Variants in DOCK3 observed in about 807,000 individuals in gnomAD.
The protein encoded by DOCK3 is dedicator of cytokinesis 3.
In DOCK3, 60 loss-of-function variants were observed where a neutral mutation model predicts 265.6. That is an observed-to-expected ratio of 0.23 (90% CI 0.18 to 0.28). The LOEUF is 0.28. Ranked by LOEUF, DOCK3 falls within the 10% of genes least tolerant of loss-of-function variation. DOCK3 has a pLI of 1.00. For missense variants in DOCK3, 1,981 were observed against 2,594.3 expected, an observed-to-expected ratio of 0.76 and a Z score of 5.14; for synonymous variants, 881 against 938.0, an observed-to-expected ratio of 0.94 and a Z score of 1.11.
chr3:50,954,725 AT>A (rs1184429489), intron 5 of DOCK3, among the ~76,000 whole-genome samples: 1 of 151,976 alleles, frequency 6.6e-6, no homozygotes, highest in Admixed American at 6.6e-5. Context: ...GGATATTAGA[AT>A]TTTGTCAGAT....
rs1227582193 is a variant in DOCK3 at position 51,375,805 on chromosome 3, A to G, written c.5470A>G (p.Ser1824Gly). Residue 1824 changes from serine (S) to glycine (G), a missense_variant, in exon 51 of 53, where the codon AGT becomes GGT. Around this residue, in one of 4 missense-constraint regions of DOCK3, gnomAD observed 1,357 missense variants for 1,866.8 expected, o/e 0.73. Transcript: ENST00000266037. ...QQVVGACKPC[S>G]DPNLSVAEKG... The stretch of plus-strand genomic sequence containing the variant: ...AGTGGTCGGAGCCTGCAAACCCTGC[A>G]GTGATCCCAATCTGTCTGTGGCTGA... The G allele has an allele frequency of 6.2e-7, 1 of 1,613,978 alleles. No homozygotes were observed. The highest frequency in any genetic ancestry group is 8.5e-7 in the Non-Finnish European group (1 of 1,179,884).
chr3:50,943,069 G>A (rs2076337758), intron 5 of DOCK3, among the ~76,000 whole-genome samples: 1 of 151,952 alleles, frequency 6.6e-6, no homozygotes, highest in Non-Finnish European at 1.5e-5. Flanking sequence ...TAACTGTTTA[G>A]CCCATAAAGG....
chr3:50,822,711 C>T (rs114701174), intron 2 of DOCK3, among the ~76,000 whole-genome samples: 1,625 of 152,120 alleles, frequency 0.011, 15 homozygotes, highest in Non-Finnish European at 0.019. Context: ...CAGGCTGGTA[C>T]CATACTCCTG....
At chr3:51,277,518 A>G in intron 25 of DOCK3, 90 bp from the exon 26 acceptor site, 1 of 1,439,182 alleles carries the variant, frequency 6.9e-7, no homozygotes, top group Non-Finnish European at 9.2e-7. Context: ...CCAGAAGACT[A>G]CTGCTGATGT....
At chr3:51,300,367 C>T (rs2082307211) in intron 27 of DOCK3, among the ~76,000 whole-genome samples, 1 of 152,170 alleles carries the variant, frequency 6.6e-6, no homozygotes, top group African/African-American at 2.4e-5. Flanking sequence ...AGTTTGACTT[C>T]ACTTCCTATT....
intron 5 of DOCK3, among the ~76,000 whole-genome samples, chr3:50,966,153 A>G (rs1219577046): frequency 6.6e-6 from 1 of 152,032 alleles, no homozygotes; most frequent in East Asian, 1.9e-4. Context: ...AAATGGCTAG[A>G]TCTTCTTCGT....
At position 51,312,622 on chromosome 3, in the gene DOCK3, A is replaced by T. The variant is rs148492974; in HGVS notation, c.3194+46A>T. The T allele has an allele frequency of 4.4e-5, 66 of 1,500,854 alleles. No individual in the cohort carries two copies. The African/African-American group carries it at 7.6e-4, about 17-fold the overall frequency. The allele number at this position is 1,500,854 out of a possible 1,614,324, so 93.0% of individuals were successfully genotyped here. On this transcript the variant is annotated intron_variant, in intron 30 of 52. Coordinates refer to ENST00000266037, the MANE Select transcript of DOCK3 (RefSeq NM_004947.5). ...TCATCTCCTTACCACTTGGCCAAAT[A>T]GGGCTATGTTTCGTTGAGAGTTCTT... is the stretch of plus-strand genomic sequence containing the variant.
chr3:51,268,827 A>G (rs1244029428), intron 23 of DOCK3, among the ~76,000 whole-genome samples: 1 of 152,054 alleles, frequency 6.6e-6, no homozygotes, highest in Non-Finnish European at 1.5e-5. Flanking sequence ...TAAGAAAGAC[A>G]CCTGTGATCT....
At chr3:51,357,902 G>A (rs2086467860) in intron 45 of DOCK3, 59 bp from the exon 46 acceptor site, 2 of 1,613,126 alleles carry the variant, frequency 1.2e-6, no homozygotes, top group African/African-American at 2.7e-5. Context: ...ACTACAAGAT[G>A]AGCAGTTCTC....
At chr3:51,039,068 T>G (rs1379148508) in intron 5 of DOCK3, among the ~76,000 whole-genome samples, 1 of 152,130 alleles carries the variant, frequency 6.6e-6, no homozygotes, top group Non-Finnish European at 1.5e-5. Flanking sequence ...CGATCTCGGC[T>G]CACTGCAACC....
chr3:51,271,544 C>T (rs1350439453), intron 24 of DOCK3, among the ~76,000 whole-genome samples: 1 of 152,016 alleles, frequency 6.6e-6, no homozygotes, highest in Non-Finnish European at 1.5e-5. Flanking sequence ...CTGCTATACC[C>T]TCAGGAAAGG....
intron 14 of DOCK3, among the ~76,000 whole-genome samples, chr3:51,220,059 C>G (rs2089996426): frequency 6.6e-6 from 1 of 152,146 alleles, no homozygotes; most frequent in Admixed American, 6.5e-5. Flanking sequence ...CCTGGGTACT[C>G]TAAAGAAGTC....
At chr3:50,727,440 G>GTA (rs1368798356) in intron 1 of DOCK3, among the ~76,000 whole-genome samples, 1 of 152,176 alleles carries the variant, frequency 6.6e-6, no homozygotes, top group East Asian at 1.9e-4. Flanking sequence ...GCTCACGCCT[G>GTA]TAATTCCAGC....
chr3:51,232,358 T>C (rs2078162007), intron 19 of DOCK3, among the ~76,000 whole-genome samples: 1 of 152,240 alleles, frequency 6.6e-6, no homozygotes. Flanking sequence ...ATCTTTTTCA[T>C]GTAATGGCTT....
chr3:51,280,079 T>C (rs1194305628), intron 26 of DOCK3, 27 bp from the exon 27 acceptor site: 2 of 1,605,010 alleles, frequency 1.2e-6, no homozygotes, highest in Non-Finnish European at 8.5e-7. Context: ...TTGGCCATGC[T>C]AAGTGTTTTT....
rs141212241 is a variant in DOCK3 at position 51,233,361 on chromosome 3, T to TCTATTTA, written c.1918-2984_1918-2983insCTATTTA. Reference sequence around the variant, plus strand: ...ATCTATCTATCTATCTATCTATCTATTTATTTATTTATTTATTTATTTGAG... The same window carrying TCTATTTA: ...ATCTATCTATCTATCTATCTATCTATCTATTTATTATTTATTTATTTATTTATTTGAG... On this transcript the variant is annotated intron_variant, in intron 19 of 52. Transcript: ENST00000266037. Among the ~76,000 whole-genome samples the TCTATTTA allele has an allele frequency of 8.5e-3, 89 of 10,444 alleles. 1 individual carries two copies. The highest frequency in any genetic ancestry group is 0.015 in the African/African-American group (78 of 5,162). 6.9% of individuals were successfully genotyped at this position (10,444 alleles called of 152,430 possible). A position where few individuals can be genotyped will look rare whatever the true frequency, so the allele number is the denominator to read the frequency against.
At chr3:51,128,085 C>A (rs1294558057) in intron 9 of DOCK3, among the ~76,000 whole-genome samples, 1 of 152,194 alleles carries the variant, frequency 6.6e-6, no homozygotes, top group Non-Finnish European at 1.5e-5. Flanking sequence ...ATCTTAACTT[C>A]AGTTTAATGG....
chr3:51,026,850 G>C (rs956475433), intron 5 of DOCK3, among the ~76,000 whole-genome samples: 1 of 151,456 alleles, frequency 6.6e-6, no homozygotes, highest in East Asian at 1.9e-4. Flanking sequence ...TGCTTATTTG[G>C]ATTTTCTCTT....
chr3:51,366,684 T>TTG (rs2087202189), intron 49 of DOCK3, among the ~76,000 whole-genome samples: 1 of 152,246 alleles, frequency 6.6e-6, no homozygotes, highest in African/African-American at 2.4e-5. Flanking sequence ...TTCTGGTATG[T>TTG]TGTGTCTTTG....
Sources: gnomAD v4.1 joint callset for allele counts (sites outside exome capture counted in the v4.1 genomes callset) on GRCh38, gnomAD v4.1.1 for gene constraint, gnomAD v4.1.1 regional missense constraint, MANE v1.5 for transcripts, NCBI Gene and HGNC (gene_info 2026-07-23, HGNC 2026-07-21) for gene names.